CYP46A1: variants seen among roughly 807,000 people sequenced by gnomAD.
The protein encoded by CYP46A1 is cholesterol 24-hydroxylase.
A neutral mutation model predicts 63.3 loss-of-function variants in CYP46A1; 20 were observed. That is an observed-to-expected ratio of 0.32 (90% CI 0.22 to 0.46). The LOEUF (loss-of-function observed/expected upper bound fraction) is 0.46, where lower values mean the gene tolerates loss of function less well. Among genes scored for constraint, CYP46A1 ranks in the 20% least tolerant of loss-of-function variants. CYP46A1 has a pLI of 1.00. For synonymous variants in CYP46A1, 268 were observed against 273.6 expected (o/e 0.98, Z 0.20); for missense variants, 445 against 670.8 (o/e 0.66, Z 3.72).
intron 1 of CYP46A1, 122 bp downstream of exon 1, chr14:99,684,658 C>A: frequency 1.2e-6 from 1 of 811,176 alleles, no homozygotes. Flanking sequence ...CGCTGGGAGT[C>A]GGCGGCCCCG....
At position 99,684,459 on chromosome 14, in the gene CYP46A1, C is replaced by T. The variant is rs1474579106; in HGVS notation, c.42C>T (p.Leu14=). The T allele has an allele frequency of 4.1e-6, 6 of 1,476,324 alleles. No homozygotes were observed. In the East Asian group the frequency reaches 1.2e-4, roughly 29 times the overall value. The allele number at this position is 1,476,324 out of a possible 1,614,324, so 91.5% of individuals were successfully genotyped here. A position where few individuals can be genotyped will look rare whatever the true frequency, so the allele number is the denominator to read the frequency against. The change falls in exon 1 of 15, where the codon CTC becomes CTT. Residue 14 remains leucine, a synonymous_variant. Coordinates refer to ENST00000261835, the MANE Select transcript of CYP46A1 (RefSeq NM_006668.2). ...TGCTGCTCGGCAGCGCCGTCCTGCT[C>T]GCCTTCGGCCTCTGCTGCACCTTCG... ...GLLLLGSAVL[L]AFGLCCTFVH...
At position 99,725,359 on chromosome 14, in the gene CYP46A1, G is replaced by A. The variant is rs747281913; in HGVS notation, c.1177-32G>A. 1 of 1,599,214 alleles carries A rather than the reference G, an allele frequency of 6.3e-7. No homozygotes were observed. The highest frequency in any genetic ancestry group is 1.7e-5 in the Admixed American group (1 of 59,966). ...AAGAGGTGCCAGGGGAACAACCTGG[G>A]AACCAGAGATGAGCGGACCCTTTGC... On this transcript the variant is annotated intron_variant, in intron 12 of 14. Coordinates refer to ENST00000261835, the MANE Select transcript of CYP46A1 (RefSeq NM_006668.2). This position sits in a 1 kb window ranked among gnomAD's most constrained non-coding sequence, Gnocchi z 4.2.
chr14:99,706,392 T>G (rs2146238), intron 5 of CYP46A1: 355,191 of 440,762 alleles, frequency 0.81, 144,942 homozygotes, highest in South Asian at 0.92. Context: ...ACCAACAGAG[T>G]ACCTGTGGAA....
chr14:99,715,505 C>T (rs932654349), intron 7 of CYP46A1, among the ~76,000 whole-genome samples: 3 of 152,062 alleles, frequency 2.0e-5, no homozygotes, highest in South Asian at 2.1e-4. Context: ...TTTCTTCCTT[C>T]GATGCAAGCC....
chr14:99,726,021 A>C (rs1357689160), intron 13 of CYP46A1, among the ~76,000 whole-genome samples, 169 bp from the exon 14 acceptor site: 1 of 152,248 alleles, frequency 6.6e-6, no homozygotes, highest in Non-Finnish European at 1.5e-5. Flanking sequence ...AAAAGAATGC[A>C]GATCCAGCCC....
At chr14:99,726,463 A>T in intron 14 of CYP46A1, 94 bp from the exon 15 acceptor site, 1 of 1,282,440 alleles carries the variant, frequency 7.8e-7, no homozygotes, top group Non-Finnish European at 1.1e-6. Flanking sequence ...CAGGCTCTCC[A>T]GGAGGAGAGC....
At position 99,718,041 on chromosome 14, in the gene CYP46A1, T is replaced by C; in HGVS notation, c.908-13T>C. The stretch of plus-strand genomic sequence containing the variant: ...GCCCCATGTGGAGCAACCACCGTCC[T>C]CCCTTCCCACAGGTCACGAGACCTC... On this transcript the variant is annotated splice_polypyrimidine_tract_variant and intron_variant, in intron 9 of 14. Transcript: ENST00000261835. 6.2e-7 allele frequency: 1 copy of C among 1,611,870 alleles called. No individual in the cohort carries two copies. The highest frequency in any genetic ancestry group is 8.5e-7 in the Non-Finnish European group (1 of 1,178,114).
chr14:99,715,989 A>AGGGGGGG, intron 8 of CYP46A1, 29 bp downstream of exon 8: 1 of 526,828 alleles, frequency 1.9e-6, no homozygotes, highest in Non-Finnish European at 3.7e-6. Flanking sequence ...CGGACTGGGG[A>AGGGGGGG]GGGCGGGGTG....
At chr14:99,721,354 G>A (rs780691536) in intron 11 of CYP46A1, 31 bp downstream of exon 11, 64 of 1,435,628 alleles carry the variant, frequency 4.5e-5, no homozygotes, top group Admixed American at 1.0e-4. Flanking sequence ...GCTTCTGGGC[G>A]GATGTGGGTG....
intron 11 of CYP46A1, 54 bp downstream of exon 11, chr14:99,721,377 T>C: frequency 8.2e-7 from 1 of 1,225,396 alleles, no homozygotes; most frequent in Admixed American, 1.7e-5. Flanking sequence ...CATGTCATCA[T>C]GCCTGCTTCC....
chr14:99,714,023 A>T (rs1186613071), intron 7 of CYP46A1, among the ~76,000 whole-genome samples: 1 of 152,222 alleles, frequency 6.6e-6, no homozygotes, highest in Non-Finnish European at 1.5e-5. Context: ...CTGACAAGGA[A>T]CACAACAGCA....
intron 1 of CYP46A1, among the ~76,000 whole-genome samples, chr14:99,688,976 C>T (rs532762956): frequency 6.6e-6 from 1 of 152,342 alleles, no homozygotes; most frequent in African/African-American, 2.4e-5. Context: ...TGCTCCCGCT[C>T]AGTCCACTTG....
At position 99,707,597 on chromosome 14, in the gene CYP46A1, G is replaced by A. The variant is rs2056689352; in HGVS notation, c.612G>A (p.Leu204=). 6.2e-7 allele frequency: 1 copy of A among 1,614,106 alleles called. No homozygotes were observed. Among genetic ancestry groups the A allele is most frequent in the South Asian group, 1.1e-5 (1 of 91,090 alleles). The part of the protein sequence containing the change: ...KAAFGMETSM[L]LGAQKPLSQA... ...CTTTTGGGATGGAGACCAGTATGCT[G>A]CTGGGTGCCCAGAAGCCTCTGTCCC... is the stretch of plus-strand genomic sequence containing the variant. The change falls in exon 7 of 15, where the codon CTG becomes CTA. Residue 204 remains leucine (L), a synonymous_variant. Transcript: ENST00000261835.
At position 99,721,219 on chromosome 14, in the gene CYP46A1, G is replaced by A. The variant is rs775736426; in HGVS notation, c.981-20G>A. 33 of 1,603,964 alleles carry A rather than the reference G, an allele frequency of 2.1e-5. No homozygotes were observed. The highest frequency in any genetic ancestry group is 2.6e-5 in the Non-Finnish European group (30 of 1,170,860). Reference sequence around the variant, plus strand: ...ACAGGCTCCCTTTGGAGACGAACTTGTCTTTGTCTTACCCCACAGGCTGCA... The same window carrying A: ...ACAGGCTCCCTTTGGAGACGAACTTATCTTTGTCTTACCCCACAGGCTGCA... On this transcript the variant is annotated intron_variant, in intron 10 of 14. Transcript: ENST00000261835.
chr14:99,706,602 T>TTA (rs774613262), intron 5 of CYP46A1, 45 bp from the exon 6 acceptor site: 2 of 1,607,592 alleles, frequency 1.2e-6, no homozygotes, highest in Admixed American at 3.3e-5. Context: ...CAGTCCACCA[T>TTA]ATTGGGCTGG....
intron 7 of CYP46A1, chr14:99,712,661 G>GA (rs1027289374): frequency 6.6e-6 from 1 of 152,080 alleles, no homozygotes; most frequent in African/African-American, 2.4e-5. Flanking sequence ...ACAAACAAAT[G>GA]AAAAAACATC....
rs1566837964 is a variant in CYP46A1 at position 99,725,363 on chromosome 14, C to A, written c.1177-28C>A. 1.2e-6 allele frequency: 2 copies of A among 1,603,456 alleles called. No homozygotes were observed. The highest frequency in any genetic ancestry group is 1.7e-6 in the Non-Finnish European group (2 of 1,170,530). ...GGTGCCAGGGGAACAACCTGGGAACCAGAGATGAGCGGACCCTTTGCCCGC... is the reference window on the plus strand; with the variant it reads ...GGTGCCAGGGGAACAACCTGGGAACAAGAGATGAGCGGACCCTTTGCCCGC... On this transcript the variant is annotated intron_variant, in intron 12 of 14. Transcript: ENST00000261835. The surrounding 1 kb of genome is among the most constrained non-coding windows in gnomAD (Gnocchi z 4.2).
chr14:99,726,703 C>A lies in CYP46A1; in HGVS notation c.1479C>A (p.Pro493=). 6.5e-7 allele frequency: 1 copy of A among 1,539,644 alleles called. No individual in the cohort carries two copies. The part of the protein sequence containing the change: ...LCTLRPRGWQ[P]APPPPPC The stretch of plus-strand genomic sequence containing the variant: ...CCCTGCGGCCCCGCGGCTGGCAGCC[C>A]GCACCCCCACCACCCCCCTGCTGAG... Residue 493 remains proline, a synonymous_variant, in exon 15 of 15, where the codon CCC becomes CCA. Transcript: ENST00000261835.
chr14:99,694,780 C>T (rs1267093018), intron 3 of CYP46A1, among the ~76,000 whole-genome samples: 1 of 152,152 alleles, frequency 6.6e-6, no homozygotes, highest in Non-Finnish European at 1.5e-5. Context: ...GGATTGCAGG[C>T]GTGAGCCACC....
Sources: gnomAD v4.1 joint callset for allele counts (sites outside exome capture counted in the v4.1 genomes callset) on GRCh38, gnomAD v4.1.1 for gene constraint, Gnocchi (gnomAD v3.1) non-coding constraint, MANE v1.5 for transcripts, NCBI Gene and HGNC (gene_info 2026-07-23, HGNC 2026-07-21) for gene names.